The following NIPBL variants were observed in gnomAD, a reference collection of about 807,000 sequenced individuals.
NIPBL encodes nipped-B-like protein.
NIPBL carries 19 observed loss-of-function variants against 321.8 expected under a neutral mutation model. The observed-to-expected ratio is 0.06, with a 90% confidence interval of 0.04 to 0.09. The LOEUF (loss-of-function observed/expected upper bound fraction) is 0.09. Among genes scored for constraint, NIPBL ranks in the 10% least tolerant of loss-of-function variants. NIPBL has a pLI of 1.00. For missense variants in NIPBL, 2,210 were observed against 3,327.0 expected (o/e 0.66, Z 8.26); for synonymous variants, 1,106 against 1,114.1 (o/e 0.99, Z 0.14).
chr5:36,907,019 T>C (rs909928094), intron 1 of NIPBL, among the ~76,000 whole-genome samples: 1 of 152,214 alleles, frequency 6.6e-6, no homozygotes. Flanking sequence ...TAGTAGAATG[T>C]GGATTCCGCT....
intron 40 of NIPBL, chr5:37,051,505 G>A: frequency 2.1e-6 from 1 of 480,322 alleles, no homozygotes; most frequent in Non-Finnish European, 3.7e-6. Context: ...TATTCTTAGT[G>A]TGAGAATGCT....
chr5:36,943,692 A>T (rs1260074422), intron 1 of NIPBL, among the ~76,000 whole-genome samples: 4 of 152,176 alleles, frequency 2.6e-5, no homozygotes, highest in Admixed American at 2.6e-4. Context: ...AGCCAGAAGC[A>T]CAGAAGCACT....
rs182461736 is a variant in NIPBL, at chr5:36,886,336, G to A, written c.-80+9158G>A. On this transcript the variant is annotated intron_variant, in intron 1 of 46. Coordinates refer to ENST00000282516, the MANE Select transcript of NIPBL (RefSeq NM_133433.4). ...CAAGGTCAAGCTGGAGGCTGAGAGC[G>A]CCACCTGCCACCGCCTGCTTGAAGA... is the stretch of plus-strand genomic sequence containing the variant. 329 of 693,506 alleles carry A rather than the reference G, an allele frequency of 4.7e-4. 1 individual carries two copies. Among genetic ancestry groups the A allele is most frequent in the Admixed American group, 1.2e-3 (60 of 50,732 alleles). 43.0% of individuals were successfully genotyped at this position (693,506 alleles called of 1,614,324 possible). A position where few individuals can be genotyped will look rare whatever the true frequency, so the allele number is the denominator to read the frequency against.
intron 8 of NIPBL, among the ~76,000 whole-genome samples, chr5:36,974,968 G>A (rs1373159026): frequency 6.6e-6 from 1 of 151,970 alleles, no homozygotes; most frequent in Non-Finnish European, 1.5e-5. Context: ...CTTCATGTCT[G>A]AAGGAGAATT....
chr5:37,048,490 C>T lies in NIPBL; in HGVS notation c.6590-12C>T, dbSNP rs201847656. On this transcript the variant is annotated splice_polypyrimidine_tract_variant and intron_variant, in intron 38 of 46. Transcript: ENST00000282516. Reference sequence around the variant, plus strand: ...TATGAATATATGATGAGATTTTTCCCCTCTCCCATAGGATTTGCCTTTATT... The same window carrying T: ...TATGAATATATGATGAGATTTTTCCTCTCTCCCATAGGATTTGCCTTTATT... 73 of 1,508,812 alleles carry T rather than the reference C, an allele frequency of 4.8e-5. No individual in the cohort carries two copies. The African/African-American group carries it at 9.0e-4, about 19-fold the overall frequency. 93.5% of individuals were successfully genotyped at this position (1,508,812 alleles called of 1,614,324 possible).
intron 10 of NIPBL, among the ~76,000 whole-genome samples, chr5:36,988,251 T>A (rs1193942405): frequency 6.6e-6 from 1 of 152,212 alleles, no homozygotes; most frequent in Non-Finnish European, 1.5e-5. Context: ...AGTATACTTT[T>A]AATGCAGATG....
chr5:37,034,242 G>A (rs553679570), intron 32 of NIPBL, among the ~76,000 whole-genome samples: 1 of 152,278 alleles, frequency 6.6e-6, no homozygotes, highest in South Asian at 2.1e-4. Flanking sequence ...ATGGAAAAGA[G>A]GGATCAGGTA....
At chr5:36,954,974 T>G (rs1740778193) in intron 2 of NIPBL, 1 of 154,436 alleles carries the variant, frequency 6.5e-6, no homozygotes, top group East Asian at 1.9e-4. Flanking sequence ...TTTAATATTC[T>G]TACAGAATTC....
At chr5:37,008,766 A>G (rs200196281) in intron 20 of NIPBL, 43 bp downstream of exon 20, 2 of 950,254 alleles carry the variant, frequency 2.1e-6, no homozygotes, top group Non-Finnish European at 3.5e-6. Flanking sequence ...AAGAACCACC[A>G]TTATATTGAA....
chr5:37,002,841 T>C (rs1020366896), intron 15 of NIPBL, 76 bp downstream of exon 15: 1 of 858,676 alleles, frequency 1.2e-6, no homozygotes, highest in African/African-American at 1.7e-5. Context: ...TCAGGGTAAA[T>C]TATAAAATTT....
At chr5:36,999,263 A>G (rs544861731) in intron 11 of NIPBL, among the ~76,000 whole-genome samples, 135 of 152,316 alleles carry the variant, frequency 8.9e-4, no homozygotes, top group African/African-American at 3.2e-3. Context: ...TTGTGTATTT[A>G]TCATAGTTAG....
At chr5:37,020,200 A>G (rs1227964739) in intron 25 of NIPBL, among the ~76,000 whole-genome samples, 3 of 152,238 alleles carry the variant, frequency 2.0e-5, no homozygotes, top group Admixed American at 6.5e-5. Context: ...ATAGTATTCT[A>G]TATTTAATAC....
chr5:37,014,525 A>C (rs961300058), intron 21 of NIPBL, among the ~76,000 whole-genome samples, 158 bp from the exon 22 acceptor site: 2 of 152,142 alleles, frequency 1.3e-5, no homozygotes, highest in African/African-American at 4.8e-5. Flanking sequence ...AAATATGCTT[A>C]GTGTGCTAAT....
At chr5:36,889,978 TA>T (rs1333145491) in intron 1 of NIPBL, among the ~76,000 whole-genome samples, 2 of 152,060 alleles carry the variant, frequency 1.3e-5, no homozygotes, top group East Asian at 3.8e-4. Context: ...TTTTTCCTAC[TA>T]AGTTTCCTAT....
At chr5:36,973,027 G>GT (rs1743043725) in intron 8 of NIPBL, among the ~76,000 whole-genome samples, 2 of 152,220 alleles carry the variant, frequency 1.3e-5, no homozygotes, top group African/African-American at 2.4e-5. Context: ...TCTTCTATCT[G>GT]TAACAGATTC....
chr5:36,975,864 A>G lies in NIPBL; in HGVS notation c.957A>G (p.Pro319=). 1 of 1,612,214 alleles carries G rather than the reference A, an allele frequency of 6.2e-7. No individual in the cohort carries two copies. The highest frequency in any genetic ancestry group is 8.5e-7 in the Non-Finnish European group (1 of 1,179,400). Residue 319 remains proline (P), a synonymous_variant, in exon 9 of 47, where the codon CCA becomes CCG. Coordinates refer to ENST00000282516, the MANE Select transcript of NIPBL (RefSeq NM_133433.4). ...CACCAGATATCTTGCTAGATTCTCCAGAAAGAAAACAAAAGAAGCAGAAGA... is the reference window on the plus strand; with the variant it reads ...CACCAGATATCTTGCTAGATTCTCCGGAAAGAAAACAAAAGAAGCAGAAGA... ...DVPPDILLDS[P]ERKQKKQKKM... is the part of the protein sequence containing the mutation.
intron 1 of NIPBL, among the ~76,000 whole-genome samples, chr5:36,883,818 AG>A (rs1745680776): frequency 6.7e-6 from 1 of 148,316 alleles, no homozygotes; most frequent in Non-Finnish European, 1.5e-5. Context: ...TATGTAATTC[AG>A]TTTTTTTTTT....
chr5:37,023,240 A>G (rs1394693255), intron 29 of NIPBL, among the ~76,000 whole-genome samples: 3 of 152,222 alleles, frequency 2.0e-5, no homozygotes, highest in African/African-American at 7.2e-5. Context: ...TAGGGCTTCC[A>G]TCTTTTGAAG....
chr5:36,927,435 T>C (rs766743852), intron 1 of NIPBL, among the ~76,000 whole-genome samples: 1 of 152,136 alleles, frequency 6.6e-6, no homozygotes, highest in Non-Finnish European at 1.5e-5. Context: ...TTTAATAGAA[T>C]CTCTGATTGC....
Sources: gnomAD v4.1 joint callset for allele counts (sites outside exome capture counted in the v4.1 genomes callset) on GRCh38, gnomAD v4.1.1 for gene constraint, MANE v1.5 for transcripts, NCBI Gene and HGNC (gene_info 2026-07-23, HGNC 2026-07-21) for gene names.